LRRIQ1: variants seen among roughly 807,000 people sequenced by gnomAD.
The protein encoded by LRRIQ1 is leucine rich repeats and IQ motif containing 1, also known as leucine-rich repeat- and IQ domain-containing protein 1.
LRRIQ1 carries 210 observed loss-of-function variants against 211.9 expected under a neutral mutation model. The observed-to-expected ratio is 0.99, with a 90% CI of 0.89 to 1.11. The LOEUF (loss-of-function observed/expected upper bound fraction) is 1.11. Ranked by LOEUF, LRRIQ1 falls within the 50% of genes most tolerant of loss-of-function variation. The pLI, the probability that LRRIQ1 is intolerant of heterozygous loss-of-function variation, is 0.00. For synonymous variants in LRRIQ1, 699 were observed against 650.1 expected (o/e 1.08, Z -1.14); for missense variants, 2,136 against 1,939.5 (o/e 1.10, Z -1.90).
intron 24 of LRRIQ1, among the ~76,000 whole-genome samples, chr12:85,211,273 T>A (rs577431155): frequency 5.9e-5 from 9 of 152,320 alleles, no homozygotes; most frequent in African/African-American, 2.2e-4. Flanking sequence ...ATTCTTGCTT[T>A]ATGAGTTGTT....
intron 24 of LRRIQ1, among the ~76,000 whole-genome samples, chr12:85,161,416 T>A (rs760764922): frequency 3.9e-5 from 6 of 152,120 alleles, no homozygotes; most frequent in Non-Finnish European, 7.4e-5. Flanking sequence ...ATAAAATTTT[T>A]ATTTAGTTTT....
At chr12:85,128,126 G>A in intron 18 of LRRIQ1, 93 bp downstream of exon 18, 1 of 946,634 alleles carries the variant, frequency 1.1e-6, no homozygotes, top group Non-Finnish European at 1.6e-6. Context: ...CCAAATCTCA[G>A]TGATTACAGT....
intron 23 of LRRIQ1, among the ~76,000 whole-genome samples, chr12:85,156,137 T>A: frequency 6.6e-6 from 1 of 151,780 alleles, no homozygotes; most frequent in East Asian, 1.9e-4. Flanking sequence ...ATGATTATAA[T>A]CCAAATTGCA....
chr12:85,190,331 A>G (rs1892442423), intron 24 of LRRIQ1, among the ~76,000 whole-genome samples: 1 of 145,746 alleles, frequency 6.9e-6, no homozygotes, highest in South Asian at 2.2e-4. Context: ...GTTAAAAACT[A>G]CAGTTAATTA....
intron 11 of LRRIQ1, among the ~76,000 whole-genome samples, chr12:85,085,824 T>G (rs943588972): frequency 6.6e-6 from 1 of 152,226 alleles, no homozygotes; most frequent in African/African-American, 2.4e-5. Flanking sequence ...TACATTTTCT[T>G]TATCCAGTTC....
chr12:85,149,986 A>T (rs548122105), intron 19 of LRRIQ1, among the ~76,000 whole-genome samples: 2 of 151,790 alleles, frequency 1.3e-5, no homozygotes, highest in Admixed American at 1.3e-4. Context: ...CTCTATCAAC[A>T]TCTCTATGAT....
chr12:85,173,816 C>T (rs989376103), intron 24 of LRRIQ1, among the ~76,000 whole-genome samples: 7 of 152,038 alleles, frequency 4.6e-5, no homozygotes, highest in African/African-American at 4.8e-5. Context: ...AGGGTTTCAA[C>T]GTATGAATTT....
chr12:85,066,464 A>G (rs1003987503), intron 9 of LRRIQ1, among the ~76,000 whole-genome samples: 1 of 151,872 alleles, frequency 6.6e-6, no homozygotes, highest in Non-Finnish European at 1.5e-5. Flanking sequence ...GAATGACAAT[A>G]TATTAACTTT....
intron 14 of LRRIQ1, among the ~76,000 whole-genome samples, chr12:85,104,932 G>T (rs1339630574): frequency 1.3e-5 from 2 of 152,012 alleles, no homozygotes; most frequent in East Asian, 3.9e-4. Context: ...CTCCATTCTT[G>T]AGAGCTTTTA....
At chr12:85,058,977 A>G (rs981688297) in intron 8 of LRRIQ1, among the ~76,000 whole-genome samples, 12 of 151,996 alleles carry the variant, frequency 7.9e-5, no homozygotes, top group African/African-American at 2.7e-4. Context: ...AATACATGTG[A>G]ATGTGCCATA....
At chr12:85,246,218 A>T (rs1348270956), downstream of LRRIQ1, among the ~76,000 whole-genome samples, 2 of 151,224 alleles carry the variant, frequency 1.3e-5, no homozygotes, top group South Asian at 4.1e-4. Flanking sequence ...ATGTTGCCCT[A>T]GTCAATATAG....
At chr12:85,236,674 T>C (rs1895184700) in intron 26 of LRRIQ1, among the ~76,000 whole-genome samples, 1 of 151,582 alleles carries the variant, frequency 6.6e-6, no homozygotes, top group South Asian at 2.1e-4. Context: ...AAGTAGGTAT[T>C]TGAATACCCT....
chr12:85,166,614 C>T (rs1891166311), intron 24 of LRRIQ1, among the ~76,000 whole-genome samples: 1 of 151,986 alleles, frequency 6.6e-6, no homozygotes, highest in Admixed American at 6.6e-5. Flanking sequence ...GTGTAGATTG[C>T]TTTAAAGGAG....
intron 1 of LRRIQ1, among the ~76,000 whole-genome samples, chr12:85,254,717 A>T (rs1427649398): frequency 6.6e-6 from 1 of 152,050 alleles, no homozygotes; most frequent in Non-Finnish European, 1.5e-5. Flanking sequence ...AGAAAATGTC[A>T]TTTAGAAGTC....
chr12:85,107,592 AT>A (rs932119784), intron 15 of LRRIQ1, among the ~76,000 whole-genome samples: 44 of 149,140 alleles, frequency 3.0e-4, no homozygotes, highest in Non-Finnish European at 4.5e-4. Context: ...ATTTATGGCC[AT>A]TTTTTTTTCA....
intron 1 of LRRIQ1, among the ~76,000 whole-genome samples, chr12:85,252,920 C>A (rs1895989768): frequency 6.6e-6 from 1 of 151,598 alleles, no homozygotes; most frequent in Non-Finnish European, 1.5e-5. Flanking sequence ...TATCTAAGTT[C>A]TAAACATTAA....
At chr12:85,249,766 C>A (rs1181080064), downstream of LRRIQ1, among the ~76,000 whole-genome samples, 1 of 151,792 alleles carries the variant, frequency 6.6e-6, no homozygotes, top group African/African-American at 2.4e-5. Context: ...TCATGGACTT[C>A]TTTATAAACT....
chr12:85,206,581 G>C (rs796603138), intron 24 of LRRIQ1, among the ~76,000 whole-genome samples: 29 of 152,240 alleles, frequency 1.9e-4, no homozygotes, highest in African/African-American at 7.0e-4. Context: ...AGCAATGGGG[G>C]TGAGGGGGTG....
At chr12:85,122,232 G>T (rs992571393) in intron 16 of LRRIQ1, among the ~76,000 whole-genome samples, 6 of 152,044 alleles carry the variant, frequency 3.9e-5, no homozygotes, top group African/African-American at 1.4e-4. Context: ...ATTAACATAA[G>T]AGAAAATTGG....
Sources: gnomAD v4.1 joint callset for allele counts (sites outside exome capture counted in the v4.1 genomes callset) on GRCh38, gnomAD v4.1.1 for gene constraint, MANE v1.5 for transcripts, NCBI Gene and HGNC (gene_info 2026-07-23, HGNC 2026-07-21) for gene names.